Variants in ZDHHC23 observed in about 807,000 individuals in gnomAD.
ZDHHC23 encodes zDHHC palmitoyltransferase 23.
Under a neutral mutation model 40.2 loss-of-function variants are expected in ZDHHC23, and 41 were observed. That is an observed-to-expected ratio of 1.02 (90% CI 0.79 to 1.32). The LOEUF (loss-of-function observed/expected upper bound fraction) is 1.32, where lower values mean the gene tolerates loss of function less well. Ranked by LOEUF, ZDHHC23 falls within the 40% of genes most tolerant of loss-of-function variation. The pLI is 0.00. For synonymous variants in ZDHHC23, 204 were observed against 210.2 expected, an observed-to-expected ratio of 0.97 and a Z score of 0.26; for missense variants, 471 against 541.5, an observed-to-expected ratio of 0.87 and a Z score of 1.29.
rs1938908207 is a variant in ZDHHC23, at chr3:113,953,774, T to C, written c.236T>C (p.Ile79Thr). The change falls in exon 3 of 5, where the codon ATT becomes ACT. Residue 79 changes from isoleucine to threonine, a missense_variant. This residue lies in a region of ZDHHC23 where 42 missense variants were observed against 73.9 expected (regional missense o/e 0.57). Transcript: ENST00000638807. The part of the protein sequence containing the change: ...IMDTISDRLR[I>T]PWLRGAKKVN... Reference sequence around the variant, plus strand: ...GATACAATTTCTGATCGCCTCCGAATTCCTTGGCTTAGGGGAGCCAAAAAA... The same window carrying C: ...GATACAATTTCTGATCGCCTCCGAACTCCTTGGCTTAGGGGAGCCAAAAAA... 6.2e-7 allele frequency: 1 copy of C among 1,614,096 alleles called. No individual in the cohort carries two copies. The highest frequency in any genetic ancestry group is 1.3e-5 in the African/African-American group (1 of 74,924).
downstream of ZDHHC23, among the ~76,000 whole-genome samples, chr3:113,968,626 GT>G (rs373015779): frequency 8.0e-4 from 109 of 136,906 alleles, no homozygotes; most frequent in South Asian, 3.6e-3. Context: ...ATAGTTTTTT[GT>G]TTTTTTTTTT....
intron 2 of ZDHHC23, among the ~76,000 whole-genome samples, chr3:113,950,122 C>T (rs912256243): frequency 5.3e-5 from 8 of 152,172 alleles, no homozygotes; most frequent in African/African-American, 1.9e-4. Flanking sequence ...CTCTCTGTAC[C>T]CCTCTCCTCT....
At position 113,954,316 on chromosome 3, in the gene ZDHHC23, T is replaced by G; in HGVS notation, c.778T>G (p.Trp260Gly). The G allele has an allele frequency of 6.2e-7, 1 of 1,614,166 alleles. No homozygotes were observed. The highest frequency in any genetic ancestry group is 8.5e-7 in the Non-Finnish European group (1 of 1,180,004). Residue 260 changes from tryptophan to glycine, a missense_variant, in exon 3 of 5, where the codon TGG becomes GGG. This residue lies in a region of ZDHHC23 where 346 missense variants were observed against 399.8 expected (regional missense o/e 0.87). Transcript: ENST00000638807. ...AGSPTKAKED[W>G]CAKCQLVRPA... The stretch of plus-strand genomic sequence containing the variant: ...AAGCCCCACCAAAGCGAAGGAGGAC[T>G]GGTGTGCCAAGTGCCAGCTGGTGCG...
chr3:113,955,372 G>T (rs1204584267), intron 3 of ZDHHC23, among the ~76,000 whole-genome samples: 2 of 146,692 alleles, frequency 1.4e-5, no homozygotes, highest in Admixed American at 1.3e-4. Flanking sequence ...GTGTGTGTGT[G>T]TGTGTGTGTG....
At chr3:113,965,037 CT>C, downstream of ZDHHC23, 1 of 537,388 alleles carries the variant, frequency 1.9e-6, no homozygotes, top group South Asian at 4.6e-5. Context: ...TTCCTTTGAT[CT>C]AAGAAGTAGC....
chr3:113,954,474 A>C (rs1480467472), intron 3 of ZDHHC23, 64 bp downstream of exon 3: 12 of 1,430,360 alleles, frequency 8.4e-6, no homozygotes, highest in Middle Eastern at 1.8e-4. Flanking sequence ...GTTACATTTT[A>C]TCTTCCCTTG....
At chr3:113,967,369 GCCTACATTTCTCTTTCTTTC>G (rs148571309), downstream of ZDHHC23, among the ~76,000 whole-genome samples, 19,511 of 150,708 alleles carry the variant, frequency 0.13, 1,424 homozygotes, top group Admixed American at 0.2. Flanking sequence ...GATCATCCTT[GCCTACATTTCTCTTTCTTTC>G]CCTACATTTC....
chr3:113,973,230 T>C, the ZDHHC23 span, among the ~76,000 whole-genome samples: 1 of 152,220 alleles, frequency 6.6e-6, no homozygotes, highest in Non-Finnish European at 1.5e-5. Flanking sequence ...TTTGACTTTT[T>C]CTTGTTTTAG....
the ZDHHC23 span, among the ~76,000 whole-genome samples, chr3:113,977,686 C>A: frequency 1.3e-5 from 2 of 152,110 alleles, no homozygotes; most frequent in African/African-American, 4.8e-5. Context: ...TTAAGAGAGA[C>A]TTGGGAAGGA....
intron 3 of ZDHHC23, 34 bp downstream of exon 3, chr3:113,954,444 T>C: frequency 1.3e-6 from 2 of 1,490,290 alleles, no homozygotes; most frequent in Non-Finnish European, 1.8e-6. Context: ...TTGGAAAGTG[T>C]AAATTCATGT....
At chr3:113,979,075 A>G in the ZDHHC23 span, 1 of 1,452,430 alleles carries the variant, frequency 6.9e-7, no homozygotes. Flanking sequence ...CAAACACATC[A>G]CCTTTGGAAA....
chr3:113,978,932 C>T, the ZDHHC23 span: 4 of 1,614,022 alleles, frequency 2.5e-6, no homozygotes, highest in Non-Finnish European at 3.4e-6. Context: ...ATCTTTCTAG[C>T]CAGACTTTCC....
At chr3:113,966,631 C>T (rs565629563), downstream of ZDHHC23, among the ~76,000 whole-genome samples, 9 of 152,066 alleles carry the variant, frequency 5.9e-5, no homozygotes, top group African/African-American at 9.7e-5. Context: ...AGTGTTGAAA[C>T]GAAGTGCAGA....
chr3:113,972,908 G>C, the ZDHHC23 span, among the ~76,000 whole-genome samples: 1 of 152,098 alleles, frequency 6.6e-6, no homozygotes, highest in African/African-American at 2.4e-5. Flanking sequence ...TACTTGCTTG[G>C]AATGTCTTTT....
At position 113,954,159 on chromosome 3, in the gene ZDHHC23, C is replaced by T. The variant is rs1938949869; in HGVS notation, c.621C>T (p.Ser207=). 6.2e-7 allele frequency: 1 copy of T among 1,614,236 alleles called. No homozygotes were observed. Among genetic ancestry groups the T allele is most frequent in the Non-Finnish European group, 8.5e-7 (1 of 1,180,040 alleles). The change falls in exon 3 of 5, where the codon AGC becomes AGT. Residue 207 remains serine (S), a synonymous_variant. Transcript: ENST00000638807. ...NPASGDRSLS[S]SQLECLSRKG... ...CAAGCGGTGACAGATCTCTAAGCAGCAGCCAGCTGGAGTGCCTGAGCAGAA... is the reference window on the plus strand; with the variant it reads ...CAAGCGGTGACAGATCTCTAAGCAGTAGCCAGCTGGAGTGCCTGAGCAGAA...
At chr3:113,950,860 A>G (rs115448121) in intron 2 of ZDHHC23, among the ~76,000 whole-genome samples, 3 of 152,210 alleles carry the variant, frequency 2.0e-5, no homozygotes, top group Admixed American at 2.0e-4. Context: ...ATGGTAGGAC[A>G]TGCATAGAAT....
At chr3:113,956,939 T>C (rs1344790273) in intron 4 of ZDHHC23, among the ~76,000 whole-genome samples, 1 of 152,246 alleles carries the variant, frequency 6.6e-6, no homozygotes, top group East Asian at 1.9e-4. Flanking sequence ...ATTTACTGCT[T>C]CCGACCCTTT....
In ZDHHC23 at chr3:113,958,983, C is replaced by T. The variant is rs765315045; in HGVS notation, c.*353C>T. On this transcript the variant is annotated 3_prime_UTR_variant, in exon 5 of 5. Transcript: ENST00000638807. Reference sequence around the variant, plus strand: ...TTAGGATAGTTTCTAGTCCCTCTTTCGATTCTTAATAGCCATGTGACCCCT... The same window carrying T: ...TTAGGATAGTTTCTAGTCCCTCTTTTGATTCTTAATAGCCATGTGACCCCT... 9 of 1,172,656 alleles carry T rather than the reference C, an allele frequency of 7.7e-6. No individual in the cohort carries two copies. The highest frequency in any genetic ancestry group is 1.6e-5 in the African/African-American group (1 of 61,976). 72.6% of individuals were successfully genotyped at this position (1,172,656 alleles called of 1,614,324 possible). A position where few individuals can be genotyped will look rare whatever the true frequency, so the allele number is the denominator to read the frequency against.
chr3:113,968,318 A>G (rs1940423918), downstream of ZDHHC23, among the ~76,000 whole-genome samples: 1 of 152,212 alleles, frequency 6.6e-6, no homozygotes, highest in Non-Finnish European at 1.5e-5. Flanking sequence ...CTTTGATAAA[A>G]GCCATTTTAC....
Sources: gnomAD v4.1 joint callset for allele counts (sites outside exome capture counted in the v4.1 genomes callset) on GRCh38, gnomAD v4.1.1 for gene constraint, gnomAD v4.1.1 regional missense constraint, MANE v1.5 for transcripts, NCBI Gene and HGNC (gene_info 2026-07-23, HGNC 2026-07-21) for gene names.